FGGY: variants seen among roughly 807,000 people sequenced by gnomAD.
FGGY encodes FGGY carbohydrate kinase domain containing.
Under a neutral mutation model 71.3 loss-of-function variants are expected in FGGY, and 72 were observed. That is an observed-to-expected ratio of 1.01 (90% CI 0.84 to 1.23). The LOEUF (loss-of-function observed/expected upper bound fraction) is 1.23, where lower values mean the gene tolerates loss of function less well. Among genes scored for constraint, FGGY ranks in the 50% most tolerant of loss-of-function variants. The pLI, the probability that FGGY is intolerant of heterozygous loss-of-function variation, is 0.00. For synonymous variants in FGGY, 251 were observed against 250.3 expected, an observed-to-expected ratio of 1.00 and a Z score of -0.02; for missense variants, 668 against 682.3, an observed-to-expected ratio of 0.98 and a Z score of 0.23.
At chr1:59,733,647 ATTTC>A (rs1266942351) in intron 14 of FGGY, among the ~76,000 whole-genome samples, 1 of 151,940 alleles carries the variant, frequency 6.6e-6, no homozygotes, top group East Asian at 1.9e-4. Flanking sequence ...ATTTCTCTTG[ATTTC>A]TTTCTTTGTT....
chr1:59,524,853 TC>T (rs1323264183), intron 7 of FGGY, among the ~76,000 whole-genome samples: 3 of 152,172 alleles, frequency 2.0e-5, no homozygotes, highest in Non-Finnish European at 4.4e-5. Flanking sequence ...GGATAAGAAC[TC>T]AGGACCCACT....
intron 9 of FGGY, among the ~76,000 whole-genome samples, chr1:59,621,170 A>G (rs1276552897): frequency 6.6e-6 from 1 of 152,002 alleles, no homozygotes; most frequent in African/African-American, 2.4e-5. Context: ...TATCAGATTA[A>G]GGCCCCACTG....
rs573161572 is a variant in FGGY at position 59,402,444 on chromosome 1, T to C, written c.554+23607T>C. Among the ~76,000 whole-genome samples, 4 of 152,328 alleles carry C rather than the reference T, an allele frequency of 2.6e-5. No individual in the cohort carries two copies. The East Asian group carries it at 7.7e-4, about 29-fold the overall frequency. On this transcript the variant is annotated intron_variant, in intron 5 of 15. Transcript: ENST00000303721. Reference sequence around the variant, plus strand: ...GTTTGCATATTTGACCTCTGCTAATTATCAGCAGTGTGATAGTAGGCGTGT... The same window carrying C: ...GTTTGCATATTTGACCTCTGCTAATCATCAGCAGTGTGATAGTAGGCGTGT...
At chr1:59,757,677 C>T (rs891640884) in intron 14 of FGGY, among the ~76,000 whole-genome samples, 3 of 152,094 alleles carry the variant, frequency 2.0e-5, no homozygotes, top group Non-Finnish European at 4.4e-5. Flanking sequence ...GTTTATGCCC[C>T]AGAGGCCTCA....
At chr1:59,321,809 G>C (rs1272037426) in intron 2 of FGGY, 59 bp downstream of exon 2, 1 of 1,516,592 alleles carries the variant, frequency 6.6e-7, no homozygotes, top group African/African-American at 1.4e-5. Flanking sequence ...AGTGTCGTGT[G>C]TCAATCTGGT....
At chr1:59,328,536 C>T (rs2047852972) in intron 2 of FGGY, among the ~76,000 whole-genome samples, 1 of 152,212 alleles carries the variant, frequency 6.6e-6, no homozygotes. Context: ...AGCAATAAGA[C>T]TGTTTCACTT....
intron 8 of FGGY, among the ~76,000 whole-genome samples, chr1:59,596,627 A>G (rs977088608): frequency 1.3e-5 from 2 of 152,146 alleles, no homozygotes; most frequent in African/African-American, 4.8e-5. Flanking sequence ...CTTGCCTAGT[A>G]TCTTAGCTGG....
At chr1:59,585,543 G>A (rs1169736513) in intron 8 of FGGY, among the ~76,000 whole-genome samples, 2 of 152,186 alleles carry the variant, frequency 1.3e-5, no homozygotes, top group Non-Finnish European at 2.9e-5. Flanking sequence ...AGACTTAAAT[G>A]TTAGACCTGA....
At chr1:59,301,706 C>CTTTTTTTTT (rs34290988) in intron 1 of FGGY, among the ~76,000 whole-genome samples, 2 of 55,006 alleles carry the variant, frequency 3.6e-5, no homozygotes, top group African/African-American at 1.5e-4. Flanking sequence ...TGTGATCATT[C>CTTTTTTTTT]TTTTTTTTTT....
chr1:59,434,494 C>T (rs2068012360), intron 5 of FGGY, among the ~76,000 whole-genome samples: 1 of 152,150 alleles, frequency 6.6e-6, no homozygotes, highest in African/African-American at 2.4e-5. Flanking sequence ...TAGGGAGGGG[C>T]CCAAGGGAAC....
intron 5 of FGGY, among the ~76,000 whole-genome samples, chr1:59,430,082 A>G (rs895428495): frequency 2.5e-4 from 38 of 152,262 alleles, no homozygotes; most frequent in African/African-American, 7.7e-4. Flanking sequence ...ACCCCAGGCC[A>G]TAAGCTGTTG....
At chr1:59,466,212 C>T (rs1488355850) in intron 6 of FGGY, among the ~76,000 whole-genome samples, 1 of 152,166 alleles carries the variant, frequency 6.6e-6, no homozygotes, top group African/African-American at 2.4e-5. Flanking sequence ...ACATCTACAA[C>T]CATCTGATCT....
intron 7 of FGGY, among the ~76,000 whole-genome samples, chr1:59,552,932 G>C (rs981130137): frequency 6.6e-6 from 1 of 152,188 alleles, no homozygotes; most frequent in Non-Finnish European, 1.5e-5. Flanking sequence ...GAGGCAGATG[G>C]GATATATGAT....
chr1:59,729,295 A>G lies in FGGY; in HGVS notation c.1513-28636A>G, dbSNP rs185800005. The stretch of plus-strand genomic sequence containing the variant: ...TTTGTGCATAGTGTTTACTTTTTCT[A>G]TTAGAACACTTATTAATCATAGTTG... On this transcript the variant is annotated intron_variant, in intron 14 of 15. Coordinates refer to ENST00000303721, the MANE Select transcript of FGGY (RefSeq NM_018291.5). Among the ~76,000 whole-genome samples, 246 of 152,050 alleles carry G rather than the reference A, an allele frequency of 1.6e-3. 3 individuals carry two copies. Among genetic ancestry groups the G allele is most frequent in the Non-Finnish European group, 8.1e-4 (55 of 67,940 alleles).
At chr1:59,538,739 G>A (rs143195392) in intron 7 of FGGY, among the ~76,000 whole-genome samples, 10,045 of 151,400 alleles carry the variant, frequency 0.066, 687 homozygotes, top group African/African-American at 0.18. Context: ...GTAAACTATA[G>A]CAAGAACAAA....
At chr1:59,743,581 G>A (rs2098168309) in intron 14 of FGGY, among the ~76,000 whole-genome samples, 1 of 149,980 alleles carries the variant, frequency 6.7e-6, no homozygotes, top group Non-Finnish European at 1.5e-5. Flanking sequence ...ATACAGGGCT[G>A]GAGCCTCCTA....
At chr1:59,591,445 A>T (rs542290778) in intron 8 of FGGY, among the ~76,000 whole-genome samples, 1 of 152,184 alleles carries the variant, frequency 6.6e-6, no homozygotes, top group South Asian at 2.1e-4. Context: ...ACTACTTTAA[A>T]CTTCATATGG....
chr1:59,454,161 G>A (rs2091460008), intron 5 of FGGY, among the ~76,000 whole-genome samples: 1 of 151,856 alleles, frequency 6.6e-6, no homozygotes, highest in Admixed American at 6.6e-5. Context: ...CATTAAGATG[G>A]AAGGAGAAGT....
intron 9 of FGGY, among the ~76,000 whole-genome samples, chr1:59,609,852 A>C (rs2096657289): frequency 6.6e-6 from 1 of 152,234 alleles, no homozygotes; most frequent in South Asian, 2.1e-4. Flanking sequence ...GCCAGGCTAC[A>C]GAAATGAATT....
Sources: gnomAD v4.1 joint callset for allele counts (sites outside exome capture counted in the v4.1 genomes callset) on GRCh38, gnomAD v4.1.1 for gene constraint, MANE v1.5 for transcripts, NCBI Gene and HGNC (gene_info 2026-07-23, HGNC 2026-07-21) for gene names.